Variants in MMD2 observed in about 807,000 individuals in gnomAD.
MMD2 encodes monocyte to macrophage differentiation associated 2.
A neutral mutation model predicts 33.5 loss-of-function variants in MMD2; 30 were observed. The observed-to-expected ratio is 0.90, with a 90% CI of 0.67 to 1.22. The LOEUF (loss-of-function observed/expected upper bound fraction) is 1.22, where lower values mean the gene tolerates loss of function less well. Among genes scored for constraint, MMD2 ranks in the 50% most tolerant of loss-of-function variants. MMD2 has a pLI of 0.00. For synonymous variants in MMD2, 129 were observed against 123.0 expected (o/e 1.05, Z -0.32); for missense variants, 364 against 325.4 (o/e 1.12, Z -0.91).
At chr7:4,898,824 A>G in the MMD2 span, among the ~76,000 whole-genome samples, 3 of 152,084 alleles carry the variant, frequency 2.0e-5, no homozygotes, top group Non-Finnish European at 4.4e-5. Context: ...GCTTGAACCT[A>G]GGAGGCAGAG....
At chr7:4,951,965 G>A (rs1015666172) in intron 1 of MMD2, among the ~76,000 whole-genome samples, 3 of 152,060 alleles carry the variant, frequency 2.0e-5, no homozygotes, top group African/African-American at 7.2e-5. Flanking sequence ...TTGAACTCCT[G>A]GGCTCTAGTG....
chr7:4,925,017 G>A (rs746431490), intron 2 of MMD2, among the ~76,000 whole-genome samples: 2 of 152,002 alleles, frequency 1.3e-5, no homozygotes, highest in Non-Finnish European at 1.5e-5. Context: ...TGCAACCTCC[G>A]ACTCCTGGGT....
At chr7:4,944,760 C>CTTTTTTTTTTTTTTTTTTT (rs142716643) in intron 1 of MMD2, among the ~76,000 whole-genome samples, 15 of 75,274 alleles carry the variant, frequency 2.0e-4, no homozygotes, top group Non-Finnish European at 2.8e-4. Flanking sequence ...TCTTCTTCTT[C>CTTTTTTTTTTTTTTTTTTT]TTTTTTTTTT....
chr7:4,940,461 T>C lies in MMD2; in HGVS notation c.48-14929A>G, dbSNP rs1019737472. Reference sequence around the variant, plus strand: ...TCCCTTGGACAGAGGACTAGAGAGATTTGCCCGGGCTCCTACACAAAGGGG... The same window carrying C: ...TCCCTTGGACAGAGGACTAGAGAGACTTGCCCGGGCTCCTACACAAAGGGG... On this transcript the variant is annotated intron_variant, in intron 1 of 6. Transcript: ENST00000401401. This position sits in a 1 kb window ranked among gnomAD's most constrained non-coding sequence, Gnocchi z 5.0. Among the ~76,000 whole-genome samples the C allele has an allele frequency of 3.9e-5, 6 of 152,092 alleles. No homozygotes were observed. Among genetic ancestry groups the C allele is most frequent in the Admixed American group, 3.9e-4 (6 of 15,266 alleles).
At chr7:4,913,721 CAA>C (rs35733360) in intron 4 of MMD2, among the ~76,000 whole-genome samples, 1,443 of 54,138 alleles carry the variant, frequency 0.027, 30 homozygotes, top group African/African-American at 0.11. Context: ...TCTATCTCGG[CAA>C]AAAAAAAAAA....
chr7:4,959,004 C>T lies in MMD2; in HGVS notation c.14G>A (p.Arg5Gln), dbSNP rs1562500387. ...TTTCGTCTTCTGGAAATCCAGCAGCCGGGGGGCGAACATCGCGGCGCTTCC... is the reference window on the plus strand; with the variant it reads ...TTTCGTCTTCTGGAAATCCAGCAGCTGGGGGGCGAACATCGCGGCGCTTCC... MFAPRLLDFQKTKYA... is the reference protein window; with the variant it reads MFAPQLLDFQKTKYA... The change falls in exon 1 of 7, where the codon CGG becomes CAG. Residue 5 changes from arginine to glutamine, a missense_variant. By Grantham distance (43) the Arg-to-Gln change is conservative. Transcript: ENST00000401401. 5 of 1,273,884 alleles carry T rather than the reference C, an allele frequency of 3.9e-6. No homozygotes were observed. The highest frequency in any genetic ancestry group is 3.1e-5 in the African/African-American group (2 of 64,656). The allele number at this position is 1,273,884 out of a possible 1,614,324, so 78.9% of individuals were successfully genotyped here. A position where few individuals can be genotyped will look rare whatever the true frequency, so the allele number is the denominator to read the frequency against.
At chr7:4,939,661 A>AG (rs1388488201) in intron 1 of MMD2, among the ~76,000 whole-genome samples, 5 of 152,146 alleles carry the variant, frequency 3.3e-5, no homozygotes, top group Admixed American at 2.0e-4. Flanking sequence ...CAGCTTTCAG[A>AG]AGAAATAAGG....
chr7:4,913,628 G>T (rs1785067705), intron 4 of MMD2, among the ~76,000 whole-genome samples: 2 of 143,622 alleles, frequency 1.4e-5, no homozygotes, highest in Non-Finnish European at 3.0e-5. Context: ...TCAGGCAGGA[G>T]AATTGCTTGA....
intron 3 of MMD2, 124 bp from the exon 4 acceptor site, chr7:4,916,203 C>T: frequency 1.3e-6 from 1 of 777,860 alleles, no homozygotes; most frequent in Admixed American, 2.5e-5. Context: ...CTCCTCTGTC[C>T]AGCCAAGACC....
downstream of MMD2, among the ~76,000 whole-genome samples, chr7:4,903,259 G>T: frequency 6.6e-6 from 1 of 151,988 alleles, no homozygotes; most frequent in East Asian, 1.9e-4. Context: ...AAAAACAAAC[G>T]AGAGTTTGGG....
intron 3 of MMD2, among the ~76,000 whole-genome samples, chr7:4,917,226 C>A (rs918948891): frequency 2.6e-5 from 4 of 152,160 alleles, no homozygotes; most frequent in Admixed American, 2.0e-4. Context: ...GAGTACATAA[C>A]CTTGAGCAAG....
chr7:4,942,375 C>T (rs1238468995), intron 1 of MMD2, among the ~76,000 whole-genome samples: 1 of 152,016 alleles, frequency 6.6e-6, no homozygotes, highest in Non-Finnish European at 1.5e-5. Flanking sequence ...GCTGGGATTA[C>T]AGGTGTGAGC....
At chr7:4,921,040 T>C (rs1246064659) in intron 2 of MMD2, among the ~76,000 whole-genome samples, 2 of 152,132 alleles carry the variant, frequency 1.3e-5, no homozygotes, top group Non-Finnish European at 2.9e-5. Context: ...TCAACAGCCA[T>C]GTGGGGCCAG....
intron 6 of MMD2, among the ~76,000 whole-genome samples, chr7:4,909,188 C>A (rs1784942586): frequency 6.6e-6 from 1 of 151,942 alleles, no homozygotes; most frequent in Non-Finnish European, 1.5e-5. Flanking sequence ...ACGAGTTGTT[C>A]TTAGTGAAAG....
intron 1 of MMD2, among the ~76,000 whole-genome samples, chr7:4,936,056 G>C (rs1360508788): frequency 6.6e-6 from 1 of 151,534 alleles, no homozygotes; most frequent in Non-Finnish European, 1.5e-5. Flanking sequence ...GTGGTGGTGG[G>C]CACCTGTAAT....
intron 1 of MMD2, among the ~76,000 whole-genome samples, chr7:4,943,546 T>A (rs1785971300): frequency 1.3e-5 from 2 of 152,056 alleles, no homozygotes; most frequent in African/African-American, 4.8e-5. Flanking sequence ...TTACCTAGCT[T>A]GTGTCAAAGG....
At chr7:4,902,396 C>T (rs1450331023), downstream of MMD2, among the ~76,000 whole-genome samples, 1 of 152,250 alleles carries the variant, frequency 6.6e-6, no homozygotes, top group Non-Finnish European at 1.5e-5. Context: ...CAACGCTTTG[C>T]TCCGCTGGTT....
chr7:4,953,941 C>A (rs1289341813), intron 1 of MMD2, among the ~76,000 whole-genome samples: 5 of 152,126 alleles, frequency 3.3e-5, no homozygotes, highest in Non-Finnish European at 7.3e-5. Flanking sequence ...TCACTGCAGC[C>A]TTGAACTCCC....
rs79979120 is a variant in MMD2 at position 4,911,571 on chromosome 7, G to A, written c.366-325C>T. Among the ~76,000 whole-genome samples the A allele has an allele frequency of 8.7e-4, 133 of 152,040 alleles. 3 individuals are homozygous for A. The East Asian group carries it at 0.022, about 25-fold the overall frequency. ...GTGCATTCTCTGTAACCGCAGTTCC[G>A]GCAGCTAACCAAAGCAATGCTGTTT... On this transcript the variant is annotated intron_variant, in intron 4 of 6. Coordinates refer to ENST00000401401, the MANE Select transcript of MMD2 (RefSeq NM_198403.4).
Sources: gnomAD v4.1 joint callset for allele counts (sites outside exome capture counted in the v4.1 genomes callset) on GRCh38, gnomAD v4.1.1 for gene constraint, Gnocchi (gnomAD v3.1) non-coding constraint, MANE v1.5 for transcripts, NCBI Gene and HGNC (gene_info 2026-07-23, HGNC 2026-07-21) for gene names.